The following ZNF385C variants were observed in gnomAD, a reference collection of about 807,000 sequenced individuals.
ZNF385C encodes zinc finger protein 385C.
In ZNF385C, 28 loss-of-function variants were observed where a neutral mutation model predicts 35.4. The ratio of observed to expected loss-of-function variants is 0.79; its 90% confidence interval spans 0.59 to 1.08. The LOEUF (loss-of-function observed/expected upper bound fraction) is 1.08. Among genes scored for constraint, ZNF385C ranks in the 50% least tolerant of loss-of-function variants. The pLI is 0.00. For synonymous variants in ZNF385C, 248 were observed against 248.2 expected (o/e 1.00, Z 0.01); for missense variants, 605 against 595.6 (o/e 1.02, Z -0.16).
chr17:42,031,261 C>T (rs2052722341), intron 5 of ZNF385C, among the ~76,000 whole-genome samples: 1 of 152,136 alleles, frequency 6.6e-6, no homozygotes, highest in African/African-American at 2.4e-5. Flanking sequence ...TCTCAAACTC[C>T]AGGCTTAAAG....
intron 1 of ZNF385C, among the ~76,000 whole-genome samples, chr17:42,097,070 C>CT (rs1555661024): frequency 6.6e-6 from 1 of 151,890 alleles, no homozygotes; most frequent in Non-Finnish European, 1.5e-5. Flanking sequence ...TGAGGGGACA[C>CT]TGGTACTTTC....
intron 1 of ZNF385C, among the ~76,000 whole-genome samples, chr17:42,080,012 C>T (rs1567995993): frequency 6.6e-6 from 1 of 152,170 alleles, no homozygotes; most frequent in Non-Finnish European, 1.5e-5. Context: ...GTATTTGTTG[C>T]CAACACAACA....
intron 1 of ZNF385C, among the ~76,000 whole-genome samples, chr17:42,072,498 C>G (rs2143902580): frequency 6.6e-6 from 1 of 152,188 alleles, no homozygotes; most frequent in East Asian, 1.9e-4. Context: ...GCTCTGCCCC[C>G]GCGGCGCGTG....
chr17:42,079,205 T>A (rs61624742), intron 1 of ZNF385C, among the ~76,000 whole-genome samples: 4,948 of 104,134 alleles, frequency 0.048, 222 homozygotes, highest in African/African-American at 0.16. Context: ...AAAAAAAAAA[T>A]ATATATATAT....
intron 2 of ZNF385C, among the ~76,000 whole-genome samples, chr17:42,049,140 C>G (rs1286541574): frequency 6.6e-6 from 1 of 152,082 alleles, no homozygotes; most frequent in African/African-American, 2.4e-5. Flanking sequence ...TCCCATCCCC[C>G]GGGTCCTTTG....
At chr17:42,075,534 G>A (rs2053674891) in intron 1 of ZNF385C, among the ~76,000 whole-genome samples, 3 of 131,060 alleles carry the variant, frequency 2.3e-5, no homozygotes, top group African/African-American at 8.9e-5. Context: ...TTGCTCTGTC[G>A]CCCAGGCTGG....
At chr17:42,059,788 AT>A (rs1403936998) in intron 2 of ZNF385C, among the ~76,000 whole-genome samples, 1 of 152,090 alleles carries the variant, frequency 6.6e-6, no homozygotes, top group Admixed American at 6.6e-5. Context: ...TGCCCGGCTA[AT>A]TTTTGTATTT....
At chr17:42,029,124 G>T (rs144595241) in intron 5 of ZNF385C, 51 bp from the exon 6 acceptor site, 15 of 1,513,104 alleles carry the variant, frequency 9.9e-6, no homozygotes, top group Middle Eastern at 3.5e-4. Context: ...TGCAGACCAC[G>T]ATCTTCAGCT....
intron 1 of ZNF385C, among the ~76,000 whole-genome samples, chr17:42,082,794 A>T (rs966815985): frequency 6.6e-6 from 1 of 152,152 alleles, no homozygotes; most frequent in African/African-American, 2.4e-5. Context: ...TTAGCCAGGC[A>T]AGGCCAGGCG....
chr17:42,052,703 G>T (rs1445896695), intron 2 of ZNF385C, among the ~76,000 whole-genome samples: 1 of 152,158 alleles, frequency 6.6e-6, no homozygotes, highest in African/African-American at 2.4e-5. Flanking sequence ...TGGGCACACA[G>T]TGGCACACAC....
At chr17:42,042,303 C>T (rs1555656205) in intron 2 of ZNF385C, among the ~76,000 whole-genome samples, 1 of 152,166 alleles carries the variant, frequency 6.6e-6, no homozygotes, top group African/African-American at 2.4e-5. Flanking sequence ...AGGCAGATCA[C>T]CTGAGGTCAG....
At chr17:42,042,165 A>G (rs1555656187) in intron 2 of ZNF385C, among the ~76,000 whole-genome samples, 3 of 152,242 alleles carry the variant, frequency 2.0e-5, no homozygotes, top group Middle Eastern at 3.4e-3. Context: ...TGAGGCCAGG[A>G]GCCCAAGACC....
chr17:42,043,673 T>A (rs185124156), intron 2 of ZNF385C: 1 of 266,202 alleles, frequency 3.8e-6, no homozygotes, highest in Non-Finnish European at 7.0e-6. Flanking sequence ...AGCTGAGGGG[T>A]GGAGGGACTC....
Position 42,028,020 on chromosome 17 carries a change from C to T in ZNF385C, c.1164+30G>A, listed in dbSNP as rs367874385. ...GCCCCCCAACCCCCTCCCCTGGCTC[C>T]AACCCCAGTCACAGCCTCACTTCTC... On this transcript the variant is annotated intron_variant, in intron 7 of 8. Transcript: ENST00000692273. 6.6e-5 allele frequency: 107 copies of T among 1,610,634 alleles called. No homozygotes were observed. The African/African-American group carries it at 1.3e-3, about 20-fold the overall frequency.
At chr17:42,049,207 G>A (rs1433617821) in intron 2 of ZNF385C, among the ~76,000 whole-genome samples, 6 of 152,094 alleles carry the variant, frequency 3.9e-5, no homozygotes. Context: ...GCTTTACCTG[G>A]CCTGTTTCAT....
At chr17:42,061,273 TG>T (rs1409320570) in intron 2 of ZNF385C, 3 of 127,218 alleles carry the variant, frequency 2.4e-5, no homozygotes, top group Non-Finnish European at 3.1e-5. Context: ...CAGGCTGGAG[TG>T]CAGTGGCACA....
chr17:42,075,556 GC>G (rs1409043455), intron 1 of ZNF385C, among the ~76,000 whole-genome samples: 2 of 145,918 alleles, frequency 1.4e-5, no homozygotes, highest in Non-Finnish European at 3.0e-5. Context: ...GTGCAGTGGC[GC>G]GATCTCGGCT....
intron 1 of ZNF385C, among the ~76,000 whole-genome samples, chr17:42,063,294 C>G (rs1323733762): frequency 2.0e-5 from 3 of 152,054 alleles, no homozygotes; most frequent in Non-Finnish European, 4.4e-5. Context: ...TTTGGGAGGC[C>G]GAGGCGGGCA....
intron 3 of ZNF385C, among the ~76,000 whole-genome samples, chr17:42,036,036 G>GC (rs1384923885): frequency 6.6e-6 from 1 of 151,818 alleles, no homozygotes; most frequent in Admixed American, 6.6e-5. Flanking sequence ...CCCTCTTGTC[G>GC]CCCAGGCTGG....
Sources: allele counts gnomAD v4.1 joint callset (sites outside exome capture counted in the v4.1 genomes callset), GRCh38; gene constraint gnomAD v4.1.1; transcripts MANE v1.5; gene names NCBI Gene and HGNC (gene_info 2026-07-23, HGNC 2026-07-21).